Variants in IMMP1L observed in about 807,000 individuals in gnomAD.
The protein encoded by IMMP1L is mitochondrial inner membrane protease subunit 1.
A neutral mutation model predicts 21.8 loss-of-function variants in IMMP1L; 24 were observed. The ratio of observed to expected loss-of-function variants is 1.10; its 90% confidence interval spans 0.80 to 1.55. IMMP1L has a LOEUF of 1.55. Ranked by LOEUF, IMMP1L falls within the 40% of genes most tolerant of loss-of-function variation. The pLI is 0.00. For synonymous variants in IMMP1L, 46 were observed against 62.8 expected (o/e 0.73, Z 1.26); for missense variants, 195 against 200.7 (o/e 0.97, Z 0.17).
At chr11:31,502,062 A>C (rs1955637738) in intron 1 of IMMP1L, among the ~76,000 whole-genome samples, 1 of 152,130 alleles carries the variant, frequency 6.6e-6, no homozygotes, top group Admixed American at 6.5e-5. Context: ...CGAAATAGAT[A>C]TTTTTAAAGT....
At chr11:31,471,514 T>G (rs986292122) in intron 1 of IMMP1L, among the ~76,000 whole-genome samples, 1 of 152,132 alleles carries the variant, frequency 6.6e-6, no homozygotes, top group African/African-American at 2.4e-5. Flanking sequence ...ATTATATATA[T>G]ATCTTCAATT....
intron 1 of IMMP1L, chr11:31,473,610 G>A (rs568955122): frequency 4.5e-6 from 1 of 223,696 alleles, no homozygotes; most frequent in East Asian, 1.8e-4. Context: ...ATTGAGCAGA[G>A]TGAACCTCAG....
At chr11:31,473,518 T>G (rs1367511830) in intron 1 of IMMP1L, among the ~76,000 whole-genome samples, 2 of 152,192 alleles carry the variant, frequency 1.3e-5, no homozygotes, top group Non-Finnish European at 2.9e-5. Context: ...AAAAAATTTT[T>G]GGATACTATA....
intron 4 of IMMP1L, among the ~76,000 whole-genome samples, chr11:31,455,865 T>C (rs2133628732): frequency 6.6e-6 from 1 of 152,306 alleles, no homozygotes; most frequent in Non-Finnish European, 1.5e-5. Flanking sequence ...TATGTTGATA[T>C]GTAGTGTTAT....
chr11:31,466,206 C>G (rs922503520), intron 1 of IMMP1L, among the ~76,000 whole-genome samples: 2 of 151,894 alleles, frequency 1.3e-5, no homozygotes, highest in Non-Finnish European at 2.9e-5. Context: ...AAACTATAAT[C>G]AGGTATCATC....
At chr11:31,480,173 T>G (rs1368306571) in intron 1 of IMMP1L, among the ~76,000 whole-genome samples, 1 of 152,076 alleles carries the variant, frequency 6.6e-6, no homozygotes, top group African/African-American at 2.4e-5. Context: ...AGGGATGAAC[T>G]TTTTTCTATG....
In IMMP1L at chr11:31,456,379, TG is replaced by T. The variant is rs764333168; in HGVS notation, c.201del (p.Asp67GlufsTer3). 74 of 1,610,828 alleles carry T rather than the reference TG, an allele frequency of 4.6e-5. No homozygotes were observed. Among genetic ancestry groups the T allele is most frequent in the Non-Finnish European group, 5.9e-5 (69 of 1,177,790 alleles). ...TCACTTGGGCTTTTTGCAATCACAA[TG>T]TCACCTCTGAGGGGGAAAAGTCAAA... Reference protein sequence around the residue: ...SRHFYGIQRGDIVIAKSPSDP... With the variant: ...SRHFYGIQRGXIVIAKSPSDP... On this transcript the variant is annotated frameshift_variant, in exon 4 of 6. Coordinates refer to ENST00000532287, the MANE Select transcript of IMMP1L (RefSeq NM_001304274.2). LOFTEE classifies it high-confidence loss of function.
intron 4 of IMMP1L, among the ~76,000 whole-genome samples, chr11:31,454,262 C>G (rs1414402569): frequency 6.6e-6 from 1 of 151,700 alleles, no homozygotes; most frequent in Non-Finnish European, 1.5e-5. Context: ...ATAGAACACC[C>G]TACTGGTGTT....
At chr11:31,496,832 C>A (rs1955455237) in intron 1 of IMMP1L, among the ~76,000 whole-genome samples, 1 of 147,154 alleles carries the variant, frequency 6.8e-6, no homozygotes, top group African/African-American at 2.5e-5. Flanking sequence ...ATTATATAAT[C>A]TATAATTTTA....
At chr11:31,457,328 A>C (rs2133638657) in intron 3 of IMMP1L, among the ~76,000 whole-genome samples, 1 of 152,284 alleles carries the variant, frequency 6.6e-6, no homozygotes, top group Admixed American at 6.5e-5. Context: ...AATAAGAAAG[A>C]TCCTAAAAAG....
intron 2 of IMMP1L, among the ~76,000 whole-genome samples, chr11:31,462,901 CTAT>C (rs2133668328): frequency 6.6e-6 from 1 of 152,226 alleles, no homozygotes; most frequent in East Asian, 1.9e-4. Flanking sequence ...ATGGTAATGA[CTAT>C]TATTGTTATA....
At chr11:31,502,200 G>A (rs1378849014) in intron 1 of IMMP1L, among the ~76,000 whole-genome samples, 1 of 152,160 alleles carries the variant, frequency 6.6e-6, no homozygotes, top group Admixed American at 6.5e-5. Context: ...TGTAATGAAT[G>A]CTATCACATT....
chr11:31,445,712 G>A (rs576610262), intron 4 of IMMP1L, among the ~76,000 whole-genome samples: 1 of 147,450 alleles, frequency 6.8e-6, no homozygotes, highest in South Asian at 2.2e-4. Flanking sequence ...AATTAGGCAG[G>A]TGGATGACAG....
chr11:31,455,118 C>T (rs148233865), intron 4 of IMMP1L, among the ~76,000 whole-genome samples: 18 of 152,202 alleles, frequency 1.2e-4, no homozygotes, highest in Non-Finnish European at 2.2e-4. Context: ...AGCTGAACCA[C>T]AGTCTATTAC....
chr11:31,500,892 G>A (rs1282284419), intron 1 of IMMP1L, among the ~76,000 whole-genome samples: 2 of 152,130 alleles, frequency 1.3e-5, no homozygotes, highest in African/African-American at 2.4e-5. Context: ...GGACTACAAG[G>A]CCTAAAATAT....
chr11:31,475,294 T>C (rs548598230), intron 1 of IMMP1L, among the ~76,000 whole-genome samples: 6 of 152,340 alleles, frequency 3.9e-5, no homozygotes, highest in Admixed American at 2.0e-4. Flanking sequence ...CCACATTCAT[T>C]CACCAATAAT....
chr11:31,494,923 C>G (rs1195743526), intron 1 of IMMP1L, among the ~76,000 whole-genome samples: 1 of 152,168 alleles, frequency 6.6e-6, no homozygotes, highest in South Asian at 2.1e-4. Context: ...GGATTACAGG[C>G]GTGAGCCACC....
intron 3 of IMMP1L, among the ~76,000 whole-genome samples, chr11:31,457,755 T>C (rs1201473786): frequency 6.6e-6 from 1 of 152,102 alleles, no homozygotes; most frequent in Non-Finnish European, 1.5e-5. Flanking sequence ...CTTTCTTATA[T>C]AAGAGAATAA....
At chr11:31,507,003 G>A (rs1250782845) in intron 1 of IMMP1L, among the ~76,000 whole-genome samples, 2 of 151,664 alleles carry the variant, frequency 1.3e-5, no homozygotes, top group African/African-American at 4.8e-5. Flanking sequence ...ATATTTGGCT[G>A]ACGCGCTGGC....
Sources: allele counts gnomAD v4.1 joint callset (sites outside exome capture counted in the v4.1 genomes callset), GRCh38; gene constraint gnomAD v4.1.1; transcripts MANE v1.5; gene names NCBI Gene and HGNC (gene_info 2026-07-23, HGNC 2026-07-21).